Variants in MYO7B observed in about 807,000 individuals in gnomAD.
The protein encoded by MYO7B is myosin VIIB.
MYO7B carries 212 observed loss-of-function variants against 259.7 expected under a neutral mutation model. That is an observed-to-expected ratio of 0.82 (90% CI 0.73 to 0.91). The LOEUF (loss-of-function observed/expected upper bound fraction) is 0.91. MYO7B is among the 40% of genes least tolerant of loss of function. The pLI is 0.00. For missense variants in MYO7B, 2,732 were observed against 2,813.5 expected, an observed-to-expected ratio of 0.97 and a Z score of 0.66; for synonymous variants, 1,197 against 1,166.4, an observed-to-expected ratio of 1.03 and a Z score of -0.54.
At chr2:127,549,122 CTTCT>C (rs1313184437) in intron 1 of MYO7B, among the ~76,000 whole-genome samples, 1 of 149,262 alleles carries the variant, frequency 6.7e-6, no homozygotes, top group Non-Finnish European at 1.5e-5. Context: ...CCAACTCTCT[CTTCT>C]TTCTCTCTTT....
chr2:127,555,229 G>A (rs948066455), intron 1 of MYO7B, among the ~76,000 whole-genome samples: 2 of 152,290 alleles, frequency 1.3e-5, no homozygotes, highest in African/African-American at 4.8e-5. Context: ...TTACAGGCTT[G>A]AGCCACCGTG....
At chr2:127,603,061 C>T (rs1025645779) in intron 19 of MYO7B, among the ~76,000 whole-genome samples, 8 of 152,116 alleles carry the variant, frequency 5.3e-5, no homozygotes, top group East Asian at 1.9e-4. Context: ...GCAGCAAATT[C>T]GCCACATCTT....
intron 19 of MYO7B, among the ~76,000 whole-genome samples, chr2:127,600,318 T>C (rs910829353): frequency 2.0e-5 from 3 of 152,220 alleles, no homozygotes; most frequent in Non-Finnish European, 4.4e-5. Context: ...CCTCTTGATA[T>C]CTGCAGACTC....
intron 10 of MYO7B, 28 bp from the exon 11 acceptor site, chr2:127,581,863 G>A: frequency 6.2e-7 from 1 of 1,612,540 alleles, no homozygotes; most frequent in Non-Finnish European, 8.5e-7. Flanking sequence ...CTCCACAGGT[G>A]CGACGCAGCC....
At chr2:127,621,410 A>G (rs958150450) in intron 27 of MYO7B, among the ~76,000 whole-genome samples, 2 of 151,968 alleles carry the variant, frequency 1.3e-5, no homozygotes, top group Admixed American at 6.6e-5. Flanking sequence ...ACAGGTGTGC[A>G]TCACCACACC....
Position 127,636,415 on chromosome 2 carries a change from G to T in MYO7B, c.6123+91G>T, listed in dbSNP as rs1301049566. On this transcript the variant is annotated intron_variant, in intron 45 of 47. Coordinates refer to ENST00000409816, the MANE Select transcript of MYO7B (RefSeq NM_001393586.1). The surrounding 1 kb of genome is among the most constrained non-coding windows in gnomAD (Gnocchi z 4.5). Reference sequence around the variant, plus strand: ...CCCAGCGTCAACCAGCACACATCTTGGGTGGGGCTGGCCGTGAGGCTGGAG... The same window carrying T: ...CCCAGCGTCAACCAGCACACATCTTTGGTGGGGCTGGCCGTGAGGCTGGAG... The T allele has an allele frequency of 1.4e-6, 2 of 1,444,700 alleles. No homozygotes were observed. The highest frequency in any genetic ancestry group is 4.7e-5 in the East Asian group (2 of 42,874). 89.5% of individuals were successfully genotyped at this position (1,444,700 alleles called of 1,614,324 possible).
At chr2:127,624,393 T>TGGC (rs1681003250) in intron 30 of MYO7B, 73 bp downstream of exon 30, 5 of 1,365,422 alleles carry the variant, frequency 3.7e-6, no homozygotes, top group Non-Finnish European at 5.0e-6. Flanking sequence ...GGCACCCAAC[T>TGGC]GGCTTCTGAG....
chr2:127,578,393 C>T, intron 9 of MYO7B, 107 bp downstream of exon 9: 1 of 1,384,926 alleles, frequency 7.2e-7, no homozygotes, highest in Non-Finnish European at 9.8e-7. Context: ...TGTGGTCCAA[C>T]CCAGGCCTGG....
Position 127,609,025 on chromosome 2 carries a change from A to G in MYO7B, c.2814+147A>G. 1 of 1,133,750 alleles carries G rather than the reference A, an allele frequency of 8.8e-7. No homozygotes were observed. Among genetic ancestry groups the G allele is most frequent in the East Asian group, 2.6e-5 (1 of 38,556 alleles). The allele number at this position is 1,133,750 out of a possible 1,614,324, so 70.2% of individuals were successfully genotyped here. ...CAGCCCTGCTGGTCCCACACGGAAG[A>G]GGGGAGCGTGCGTGGGTTCTGTGGT... On this transcript the variant is annotated intron_variant, in intron 22 of 47. Transcript: ENST00000409816. The surrounding 1 kb of genome is among the most constrained non-coding windows in gnomAD (Gnocchi z 6.9).
At chr2:127,568,016 C>G (rs1266990240) in intron 5 of MYO7B, among the ~76,000 whole-genome samples, 5 of 152,192 alleles carry the variant, frequency 3.3e-5, no homozygotes, top group Admixed American at 1.3e-4. Context: ...CCTCAGCAAC[C>G]CTCTGAAAGA....
In MYO7B at chr2:127,637,454, C is replaced by G; in HGVS notation, c.*37C>G. Reference sequence around the variant, plus strand: ...GGCGTGTCTGCTCAGGCGCCCTTCCCGACCTCTAGCCTGGCGGCACCTTCC... The same window carrying G: ...GGCGTGTCTGCTCAGGCGCCCTTCCGGACCTCTAGCCTGGCGGCACCTTCC... On this transcript the variant is annotated 3_prime_UTR_variant, in exon 48 of 48. Transcript: ENST00000409816. 7.0e-7 allele frequency: 1 copy of G among 1,434,028 alleles called. No individual in the cohort carries two copies. Among genetic ancestry groups the G allele is most frequent in the Non-Finnish European group, 9.3e-7 (1 of 1,076,730 alleles). The allele number at this position is 1,434,028 out of a possible 1,614,324, so 88.8% of individuals were successfully genotyped here. A position where few individuals can be genotyped will look rare whatever the true frequency, so the allele number is the denominator to read the frequency against.
intron 4 of MYO7B, among the ~76,000 whole-genome samples, chr2:127,566,214 G>C (rs1018162284): frequency 6.6e-6 from 1 of 152,222 alleles, no homozygotes; most frequent in Non-Finnish European, 1.5e-5. Flanking sequence ...GCTCCAGATG[G>C]GCAGCTGATC....
chr2:127,617,967 C>T (rs13004906), intron 26 of MYO7B, among the ~76,000 whole-genome samples: 24,294 of 151,548 alleles, frequency 0.16, 2,231 homozygotes, highest in South Asian at 0.31. Context: ...TTTGCTAGTC[C>T]TTGCTAGTCT....
At chr2:127,564,083 G>C in intron 2 of MYO7B, 70 bp from the exon 3 acceptor site, 1 of 1,155,482 alleles carries the variant, frequency 8.7e-7, no homozygotes, top group Non-Finnish European at 1.2e-6. Context: ...GCCCCGAAGA[G>C]AAGTAAGTAT....
chr2:127,624,364 G>C, intron 30 of MYO7B, 44 bp downstream of exon 30: 1 of 1,523,746 alleles, frequency 6.6e-7, no homozygotes, highest in Non-Finnish European at 8.9e-7. Flanking sequence ...TTTGCCATCA[G>C]GAAACATCCC....
intron 12 of MYO7B, among the ~76,000 whole-genome samples, chr2:127,582,827 C>A (rs575662352): frequency 3.9e-5 from 6 of 152,178 alleles, no homozygotes; most frequent in Non-Finnish European, 8.8e-5. Flanking sequence ...GCAGACCATC[C>A]CTGATTTTTT....
intron 6 of MYO7B, among the ~76,000 whole-genome samples, chr2:127,571,761 T>G (rs1194838328): frequency 2.0e-5 from 3 of 152,126 alleles, no homozygotes; most frequent in African/African-American, 7.2e-5. Flanking sequence ...ATTACAGGCG[T>G]GAGCCACTGT....
chr2:127,551,995 T>A (rs1693462555), intron 1 of MYO7B, among the ~76,000 whole-genome samples: 1 of 152,074 alleles, frequency 6.6e-6, no homozygotes, highest in Admixed American at 6.5e-5. Context: ...CCTGCTCAGC[T>A]CCAAGGCTGG....
Position 127,620,587 on chromosome 2 carries a change from A to G in MYO7B, c.3525+121A>G, listed in dbSNP as rs1055103071. 4.9e-6 allele frequency: 6 copies of G among 1,212,532 alleles called. No homozygotes were observed. The South Asian group carries it at 6.5e-5, about 13-fold the overall frequency. 75.1% of individuals were successfully genotyped at this position (1,212,532 alleles called of 1,614,324 possible). A position where few individuals can be genotyped will look rare whatever the true frequency, so the allele number is the denominator to read the frequency against. On this transcript the variant is annotated intron_variant, in intron 27 of 47. Coordinates refer to ENST00000409816, the MANE Select transcript of MYO7B (RefSeq NM_001393586.1). The stretch of plus-strand genomic sequence containing the variant: ...CGTGGCCCATTTCTCCTGCTCCTGC[A>G]GGCCAGATGGGCAGCCATGCCTATG...
Sources: gnomAD v4.1 joint callset for allele counts (sites outside exome capture counted in the v4.1 genomes callset) on GRCh38, gnomAD v4.1.1 for gene constraint, Gnocchi (gnomAD v3.1) non-coding constraint, MANE v1.5 for transcripts, NCBI Gene and HGNC (gene_info 2026-07-23, HGNC 2026-07-21) for gene names.